Variants in HCN1 observed in about 807,000 individuals in gnomAD.
The protein encoded by HCN1 is potassium/sodium hyperpolarization-activated cyclic nucleotide-gated channel 1.
Under a neutral mutation model 78.9 loss-of-function variants are expected in HCN1, and 13 were observed. The ratio of observed to expected loss-of-function variants is 0.16; its 90% CI spans 0.11 to 0.26. The LOEUF (loss-of-function observed/expected upper bound fraction) is 0.26, where lower values mean the gene tolerates loss of function less well. Among genes scored for constraint, HCN1 ranks in the 10% least tolerant of loss-of-function variants. The pLI is 1.00. For synonymous variants in HCN1, 552 were observed against 455.5 expected (o/e 1.21, Z -2.70); for missense variants, 810 against 1,154.3 (o/e 0.70, Z 4.32).
chr5:45,297,984 G>GA (rs34697538), intron 6 of HCN1, among the ~76,000 whole-genome samples: 69,708 of 150,864 alleles, frequency 0.46, 17,143 homozygotes, highest in African/African-American at 0.65. Context: ...AAGAACATCT[G>GA]AAAAAAAAAC....
At chr5:45,471,368 CAA>C (rs1741385665) in intron 2 of HCN1, among the ~76,000 whole-genome samples, 1 of 151,846 alleles carries the variant, frequency 6.6e-6, no homozygotes, top group Non-Finnish European at 1.5e-5. Context: ...CCAAATGTCT[CAA>C]AGATTCCACT....
intron 2 of HCN1, among the ~76,000 whole-genome samples, chr5:45,547,707 C>A (rs1185849038): frequency 6.6e-6 from 1 of 151,592 alleles, no homozygotes; most frequent in Non-Finnish European, 1.5e-5. Flanking sequence ...GTGTGTCAAG[C>A]CATTTTTTTA....
chr5:45,396,985 A>G (rs1474482380), intron 3 of HCN1, among the ~76,000 whole-genome samples: 3 of 152,182 alleles, frequency 2.0e-5, no homozygotes, highest in Admixed American at 1.3e-4. Context: ...TTTTGGGACA[A>G]TGGTATGCCA....
intron 6 of HCN1, among the ~76,000 whole-genome samples, chr5:45,274,794 T>C (rs1745022764): frequency 6.6e-6 from 1 of 152,190 alleles, no homozygotes; most frequent in African/African-American, 2.4e-5. Context: ...ACTAATACTC[T>C]TTCTTAATTG....
chr5:45,347,966 C>T (rs1334134783), intron 5 of HCN1, among the ~76,000 whole-genome samples: 1 of 152,114 alleles, frequency 6.6e-6, no homozygotes, highest in African/African-American at 2.4e-5. Context: ...GGAGAACTTC[C>T]CCAATCTAGC....
At chr5:45,269,564 G>C (rs562903636) in intron 6 of HCN1, among the ~76,000 whole-genome samples, 1 of 152,154 alleles carries the variant, frequency 6.6e-6, no homozygotes, top group South Asian at 2.1e-4. Context: ...TTTTCATTAG[G>C]GTAAATAGGC....
At position 45,445,055 on chromosome 5, in the gene HCN1, C is replaced by T. The variant is rs1036298547; in HGVS notation, c.1011+16791G>A. 5.9e-5 allele frequency among the ~76,000 whole-genome samples: 9 copies of T among 152,178 alleles called. No individual in the cohort carries two copies. In the East Asian group the frequency reaches 7.7e-4, roughly 13 times the overall value. ...GGCGCAGGACAGTGGGTGCAGCGCA[C>T]CGTGCGTGAGCCGAAACAGGGCGAG... is the stretch of plus-strand genomic sequence containing the variant. On this transcript the variant is annotated intron_variant, in intron 3 of 7. Transcript: ENST00000303230.
chr5:45,549,532 A>G (rs566389122), intron 2 of HCN1, among the ~76,000 whole-genome samples: 1 of 152,152 alleles, frequency 6.6e-6, no homozygotes, highest in African/African-American at 2.4e-5. Context: ...TAGACCTAAA[A>G]CCATAAAAAC....
At chr5:45,303,551 A>C in intron 6 of HCN1, 48 bp downstream of exon 6, 1 of 1,603,872 alleles carries the variant, frequency 6.2e-7, no homozygotes, top group Non-Finnish European at 8.5e-7. Flanking sequence ...TAAAGATACA[A>C]ATCTCAAGCA....
intron 3 of HCN1, among the ~76,000 whole-genome samples, chr5:45,437,398 C>A (rs938145169): frequency 2.0e-5 from 3 of 152,056 alleles, no homozygotes; most frequent in African/African-American, 7.2e-5. Flanking sequence ...GTAATATTTT[C>A]TTTATAGATA....
intron 3 of HCN1, among the ~76,000 whole-genome samples, chr5:45,443,790 C>T (rs952691794): frequency 6.6e-6 from 1 of 151,940 alleles, no homozygotes; most frequent in East Asian, 1.9e-4. Flanking sequence ...TTAATTTAAT[C>T]TAGAAGGCTA....
chr5:45,447,225 G>A (rs537316840), intron 3 of HCN1, among the ~76,000 whole-genome samples: 8 of 152,224 alleles, frequency 5.3e-5, no homozygotes, highest in Admixed American at 2.6e-4. Context: ...AAAAAGGCAG[G>A]GGTTGCAATC....
chr5:45,392,551 T>C (rs1018334983), intron 4 of HCN1, among the ~76,000 whole-genome samples: 3 of 152,054 alleles, frequency 2.0e-5, no homozygotes, highest in Non-Finnish European at 4.4e-5. Flanking sequence ...AGTTATCATA[T>C]ATAGGCCAGG....
intron 4 of HCN1, among the ~76,000 whole-genome samples, chr5:45,373,556 T>G (rs111206616): frequency 7.1e-6 from 1 of 141,146 alleles, no homozygotes; most frequent in East Asian, 2.1e-4. Flanking sequence ...CTATAATATA[T>G]ATTACATACA....
chr5:45,318,080 A>T (rs1310706721), intron 5 of HCN1, among the ~76,000 whole-genome samples: 1 of 152,192 alleles, frequency 6.6e-6, no homozygotes, highest in Non-Finnish European at 1.5e-5. Context: ...TACTCAAAGG[A>T]TTATAAATCA....
At chr5:45,299,941 G>T (rs1039324858) in intron 6 of HCN1, among the ~76,000 whole-genome samples, 1 of 151,786 alleles carries the variant, frequency 6.6e-6, no homozygotes, top group Non-Finnish European at 1.5e-5. Flanking sequence ...ATTACATCAA[G>T]AAAAAATAGT....
intron 3 of HCN1, among the ~76,000 whole-genome samples, chr5:45,399,509 C>T (rs939012335): frequency 2.0e-5 from 3 of 152,312 alleles, no homozygotes; most frequent in East Asian, 1.9e-4. Flanking sequence ...TTCAAGGTCA[C>T]ATATCAATGA....
At chr5:45,496,377 G>C (rs572997644) in intron 2 of HCN1, among the ~76,000 whole-genome samples, 2 of 151,710 alleles carry the variant, frequency 1.3e-5, no homozygotes, top group African/African-American at 2.4e-5. Flanking sequence ...AGATTTTCTA[G>C]TTTATTTGCG....
At chr5:45,286,186 T>A (rs72759957) in intron 6 of HCN1, among the ~76,000 whole-genome samples, 15,473 of 152,022 alleles carry the variant, frequency 0.1, 1,087 homozygotes, top group Middle Eastern at 0.17. Context: ...ATAATAATGT[T>A]ATCTTTACCT....
Sources: gnomAD v4.1 joint callset for allele counts (sites outside exome capture counted in the v4.1 genomes callset) on GRCh38, gnomAD v4.1.1 for gene constraint, MANE v1.5 for transcripts, NCBI Gene and HGNC (gene_info 2026-07-23, HGNC 2026-07-21) for gene names.